Variants in IRAK2 observed in about 807,000 individuals in gnomAD.
The protein encoded by IRAK2 is interleukin-1 receptor-associated kinase-like 2.
A neutral mutation model predicts 72.0 loss-of-function variants in IRAK2; 57 were observed. The ratio of observed to expected loss-of-function variants is 0.79; its 90% CI spans 0.64 to 0.99. IRAK2 has a LOEUF of 0.99. Ranked by LOEUF, IRAK2 falls within the 50% of genes least tolerant of loss-of-function variation. The pLI, the probability that IRAK2 is intolerant of heterozygous loss-of-function variation, is 0.00. For missense variants in IRAK2, 790 were observed against 794.4 expected, an observed-to-expected ratio of 0.99 and a Z score of 0.07; for synonymous variants, 293 against 312.7, an observed-to-expected ratio of 0.94 and a Z score of 0.67.
At chr3:10,230,283 C>T (rs946626501) in intron 10 of IRAK2, among the ~76,000 whole-genome samples, 1 of 149,928 alleles carries the variant, frequency 6.7e-6, no homozygotes, top group Non-Finnish European at 1.5e-5. Flanking sequence ...ATAGTAGTAC[C>T]CCCCCCCACC....
At chr3:10,192,167 A>C (rs911608169) in intron 2 of IRAK2, among the ~76,000 whole-genome samples, 4 of 152,210 alleles carry the variant, frequency 2.6e-5, no homozygotes, top group Non-Finnish European at 4.4e-5. Flanking sequence ...TGATAGAGCC[A>C]GCTGGCACGA....
intron 11 of IRAK2, among the ~76,000 whole-genome samples, chr3:10,237,055 G>A (rs1409790756): frequency 6.6e-6 from 1 of 152,134 alleles, no homozygotes; most frequent in Non-Finnish European, 1.5e-5. Flanking sequence ...AGGAAAAGGT[G>A]GACACACTCC....
At chr3:10,197,164 G>A (rs1481431717) in intron 2 of IRAK2, among the ~76,000 whole-genome samples, 2 of 151,484 alleles carry the variant, frequency 1.3e-5, no homozygotes, top group Non-Finnish European at 2.9e-5. Flanking sequence ...GATCACTTGA[G>A]GTCAGGAGTT....
chr3:10,172,568 G>A (rs1228762983), intron 1 of IRAK2, among the ~76,000 whole-genome samples: 14 of 145,298 alleles, frequency 9.6e-5, no homozygotes, highest in South Asian at 8.9e-4. Context: ...GGCCGGGCGC[G>A]GTGGCTCATG....
intron 2 of IRAK2, among the ~76,000 whole-genome samples, chr3:10,187,475 G>A (rs1297169024): frequency 6.6e-6 from 1 of 152,112 alleles, no homozygotes; most frequent in Non-Finnish European, 1.5e-5. Flanking sequence ...AGTACTACAT[G>A]CACAGGGCAT....
intron 2 of IRAK2, among the ~76,000 whole-genome samples, chr3:10,192,418 G>T (rs1433846009): frequency 1.3e-5 from 2 of 152,234 alleles, no homozygotes; most frequent in African/African-American, 4.8e-5. Flanking sequence ...TGACGGCCCA[G>T]GCCCCGTCAG....
intron 2 of IRAK2, among the ~76,000 whole-genome samples, chr3:10,190,281 T>G (rs1697154559): frequency 8.9e-6 from 1 of 112,288 alleles, no homozygotes. Context: ...CTTTGTTTCT[T>G]TTTTTTTTTT....
chr3:10,194,123 G>A (rs1019276585), intron 2 of IRAK2, among the ~76,000 whole-genome samples: 3 of 152,188 alleles, frequency 2.0e-5, no homozygotes, highest in African/African-American at 7.2e-5. Flanking sequence ...GCCCTGGGAC[G>A]GCCCTGGGAG....
At chr3:10,192,985 T>A (rs570976365) in intron 2 of IRAK2, among the ~76,000 whole-genome samples, 38 of 152,022 alleles carry the variant, frequency 2.5e-4, no homozygotes, top group Admixed American at 2.3e-3. Context: ...GGGTCGGGGG[T>A]CCACTTCCAC....
At chr3:10,208,370 T>C (rs530800745) in intron 3 of IRAK2, among the ~76,000 whole-genome samples, 329 of 151,920 alleles carry the variant, frequency 2.2e-3, no homozygotes, top group African/African-American at 7.7e-3. Flanking sequence ...GGTGTGATCA[T>C]GGCTCAATAT....
Position 10,164,991 on chromosome 3 carries a change from C to T in IRAK2, c.37C>T (p.Leu13=). Residue 13 remains leucine (L), a synonymous_variant, in exon 1 of 13, where the codon CTG becomes TTG. Transcript: ENST00000256458. ...CATCTACCAGCTGCCCTCCTGGGTGCTGGACGACCTGTGCCGCAACATGGA... is the reference window on the plus strand; with the variant it reads ...CATCTACCAGCTGCCCTCCTGGGTGTTGGACGACCTGTGCCGCAACATGGA... The part of the protein sequence containing the change: ...CYIYQLPSWV[L]DDLCRNMDAL... 1 of 1,611,800 alleles carries T rather than the reference C, an allele frequency of 6.2e-7. No homozygotes were observed. Among genetic ancestry groups the T allele is most frequent in the Non-Finnish European group, 8.5e-7 (1 of 1,179,590 alleles).
Position 10,176,500 on chromosome 3 carries a change from C to G in IRAK2, c.95-1338C>G, listed in dbSNP as rs374313643. The stretch of plus-strand genomic sequence containing the variant: ...ATTTATTTATTTATTTATTTTGAGA[C>G]AGAGTCTCTCTCTGTCTCCCAGGCT... On this transcript the variant is annotated intron_variant, in intron 1 of 12. Coordinates refer to ENST00000256458, the MANE Select transcript of IRAK2 (RefSeq NM_001570.4). 1.6e-4 allele frequency among the ~76,000 whole-genome samples: 24 copies of G among 151,860 alleles called. 1 individual carries two copies. The East Asian group carries it at 3.3e-3, about 21-fold the overall frequency.
intron 10 of IRAK2, among the ~76,000 whole-genome samples, chr3:10,229,818 AG>A (rs1697832223): frequency 6.6e-6 from 1 of 152,110 alleles, no homozygotes; most frequent in South Asian, 2.1e-4. Context: ...AATGAAAAAG[AG>A]GCCGGGCACA....
Position 10,234,646 on chromosome 3 carries a change from C to T in IRAK2, c.1460C>T (p.Thr487Ile), listed in dbSNP as rs1360041846. Reference protein sequence around the residue: ...AACLCLRRRNTSLQEVCGSVA... With the variant: ...AACLCLRRRNISLQEVCGSVA... ...TGCCTGTGCCTGCGGAGGCGTAACA[C>T]CAGCCTGCAGGAGGTGAGCCTCGCC... The change falls in exon 11 of 13, where the codon ACC (threonine) becomes ATC (isoleucine). Residue 487 changes from threonine (T) to isoleucine (I), a missense_variant. Physicochemically the swap from Thr to Ile is moderately conservative, Grantham distance 89. Coordinates refer to ENST00000256458, the MANE Select transcript of IRAK2 (RefSeq NM_001570.4). 2 of 1,612,586 alleles carry T rather than the reference C, an allele frequency of 1.2e-6. No individual in the cohort carries two copies. Among genetic ancestry groups the T allele is most frequent in the Admixed American group, 1.7e-5 (1 of 59,982 alleles).
intron 3 of IRAK2, 22 bp downstream of exon 3, chr3:10,200,537 T>G: frequency 1.3e-6 from 2 of 1,538,526 alleles, no homozygotes; most frequent in Admixed American, 2.1e-5. Flanking sequence ...TTAACTTTTT[T>G]ACTTAAAGCA....
chr3:10,184,816 G>A (rs555190548), intron 2 of IRAK2, among the ~76,000 whole-genome samples: 7 of 140,316 alleles, frequency 5.0e-5, no homozygotes, highest in Admixed American at 7.8e-5. Context: ...TGCAAGCTCC[G>A]CCTCCCAGGT....
In IRAK2 at chr3:10,167,271, C is replaced by T. The variant is rs569502093; in HGVS notation, c.94+2223C>T. On this transcript the variant is annotated intron_variant, in intron 1 of 12. Transcript: ENST00000256458. ...CTCTGTACCCGTTAACTTCCAATCC[C>T]CTCCTTCCATTTTCCTGAGTTTTAG... is the stretch of plus-strand genomic sequence containing the variant. 6.6e-5 allele frequency among the ~76,000 whole-genome samples: 10 copies of T among 152,268 alleles called. No individual in the cohort carries two copies. The East Asian group carries it at 1.5e-3, about 23-fold the overall frequency.
At chr3:10,222,925 G>C (rs976559132) in intron 9 of IRAK2, 94 bp downstream of exon 9, 5 of 1,165,496 alleles carry the variant, frequency 4.3e-6, no homozygotes, top group African/African-American at 1.5e-5. Context: ...GAGGCACACA[G>C]ACAGGTTCCA....
chr3:10,203,911 C>T lies in IRAK2; in HGVS notation c.424+3396C>T, dbSNP rs144390286. On this transcript the variant is annotated intron_variant, in intron 3 of 12. Coordinates refer to ENST00000256458, the MANE Select transcript of IRAK2 (RefSeq NM_001570.4). ...TGCTGGGATTACAGGCATGAGCCAC[C>T]GCGCCTGGCTGAGGAGGAAAATATG... is the stretch of plus-strand genomic sequence containing the variant. Among the ~76,000 whole-genome samples, 370 of 152,288 alleles carry T rather than the reference C, an allele frequency of 2.4e-3. 1 individual carries two copies. The highest frequency in any genetic ancestry group is 8.2e-3 in the African/African-American group (342 of 41,562).
Sources: allele counts gnomAD v4.1 joint callset (sites outside exome capture counted in the v4.1 genomes callset), GRCh38; gene constraint gnomAD v4.1.1; transcripts MANE v1.5; gene names NCBI Gene and HGNC (gene_info 2026-07-23, HGNC 2026-07-21).